USP14: variants seen among roughly 807,000 people sequenced by gnomAD.
The protein encoded by USP14 is ubiquitin specific peptidase 14, also known as ubiquitin carboxyl-terminal hydrolase 14.
Under a neutral mutation model 76.5 loss-of-function variants are expected in USP14, and 38 were observed. The observed-to-expected ratio is 0.50, with a 90% CI of 0.38 to 0.65. USP14 has a LOEUF of 0.65. Ranked by LOEUF, USP14 falls within the 30% of genes least tolerant of loss-of-function variation. USP14 has a pLI of 0.00. For missense variants in USP14, 467 were observed against 586.5 expected (o/e 0.80, Z 2.10); for synonymous variants, 192 against 191.7 (o/e 1.00, Z -0.01).
intron 2 of USP14, among the ~76,000 whole-genome samples, chr18:163,836 T>A (rs928463543): frequency 1.3e-5 from 2 of 151,020 alleles, no homozygotes. Flanking sequence ...TTTTTTTAGA[T>A]CCTCTTCCTC....
In USP14 at chr18:197,891, CTT is replaced by C. The variant is rs532065887; in HGVS notation, c.676-155_676-154del. 1.3e-4 allele frequency among the ~76,000 whole-genome samples: 19 copies of C among 151,914 alleles called. No individual in the cohort carries two copies. The South Asian group carries it at 3.9e-3, about 31-fold the overall frequency. On this transcript the variant is annotated intron_variant, in intron 8 of 15. Transcript: ENST00000261601. ...TAAATTTAATGTATTATTTATTAAA[CTT>C]AATTCATTGTTGATTTTTGGTAATG...
At chr18:187,375 A>G (rs1909958914) in intron 5 of USP14, among the ~76,000 whole-genome samples, 1 of 152,158 alleles carries the variant, frequency 6.6e-6, no homozygotes, top group African/African-American at 2.4e-5. Flanking sequence ...CTTTCAGTGT[A>G]TTACTGGATA....
At chr18:191,536 A>G (rs537795531) in intron 5 of USP14, among the ~76,000 whole-genome samples, 3 of 152,310 alleles carry the variant, frequency 2.0e-5, no homozygotes, top group South Asian at 2.1e-4. Context: ...GAACATTTCT[A>G]TCATCTCAGA....
intron 5 of USP14, among the ~76,000 whole-genome samples, chr18:192,312 C>T (rs1910112619): frequency 6.6e-6 from 1 of 152,072 alleles, no homozygotes; most frequent in South Asian, 2.1e-4. Context: ...GCCTGTAATC[C>T]CAGCACTTTG....
intron 3 of USP14, among the ~76,000 whole-genome samples, chr18:172,008 A>G (rs1393820008): frequency 6.6e-6 from 1 of 152,148 alleles, no homozygotes; most frequent in African/African-American, 2.4e-5. Flanking sequence ...TGGGAGTCTG[A>G]GACAGGAGGA....
intron 9 of USP14, among the ~76,000 whole-genome samples, chr18:198,653 C>T (rs975705379): frequency 2.6e-5 from 4 of 151,964 alleles, no homozygotes; most frequent in African/African-American, 9.7e-5. Context: ...AAATTTATTT[C>T]TTGAAGGATA....
At chr18:197,416 A>G (rs1289178341) in intron 7 of USP14, among the ~76,000 whole-genome samples, 200 bp from the exon 8 acceptor site, 1 of 152,196 alleles carries the variant, frequency 6.6e-6, no homozygotes, top group Non-Finnish European at 1.5e-5. Flanking sequence ...TTTAGCACAA[A>G]TTGGAGCTCA....
chr18:173,534 C>T (rs950318565), intron 3 of USP14, among the ~76,000 whole-genome samples: 1 of 152,140 alleles, frequency 6.6e-6, no homozygotes, highest in Non-Finnish European at 1.5e-5. Flanking sequence ...GCCTCAGCCT[C>T]CTGAGTAGCT....
At chr18:203,844 C>A (rs950951042) in intron 12 of USP14, among the ~76,000 whole-genome samples, 4 of 152,098 alleles carry the variant, frequency 2.6e-5, no homozygotes, top group East Asian at 1.9e-4. Context: ...TTGATCCGCC[C>A]GCTTTGGCCT....
chr18:160,226 C>T (rs1909079309), intron 1 of USP14, among the ~76,000 whole-genome samples: 1 of 152,124 alleles, frequency 6.6e-6, no homozygotes, highest in African/African-American at 2.4e-5. Context: ...ATCGCTTGAA[C>T]CTGTGAAGCG....
chr18:163,389 T>A lies in USP14; in HGVS notation c.98T>A (p.Leu33Gln). The change falls in exon 2 of 16, where the codon CTG (leucine) becomes CAG (glutamine). Residue 33 changes from leucine (L) to glutamine (Q), a missense_variant. Coordinates refer to ENST00000261601, the MANE Select transcript of USP14 (RefSeq NM_005151.4). ...CCTCCAATGGTATTCAAGGCTCAGC[T>A]GTTTGCGTTGACTGGAGTCCAGCCT... ...DEPPMVFKAQLFALTGVQPAR... is the reference protein window; with the variant it reads ...DEPPMVFKAQQFALTGVQPAR... 2 of 1,614,102 alleles carry A rather than the reference T, an allele frequency of 1.2e-6. No homozygotes were observed. Among genetic ancestry groups the A allele is most frequent in the Non-Finnish European group, 1.7e-6 (2 of 1,179,988 alleles).
chr18:213,645 G>GTGT lies in USP14; in HGVS notation c.*2363_*2365dup, dbSNP rs1555603730. The GTGT allele has an allele frequency of 1.3e-5, 2 of 152,552 alleles. No homozygotes were observed. The highest frequency in any genetic ancestry group is 2.9e-5 in the Non-Finnish European group (2 of 68,038). 9.4% of individuals were successfully genotyped at this position (152,552 alleles called of 1,614,324 possible). A position where few individuals can be genotyped will look rare whatever the true frequency, so the allele number is the denominator to read the frequency against. ...CTGACTAGCTAGGTTAGGCCTAAGA[G>GTGT]TGTTTACCGAATAATCTGCACTCAC... is the stretch of plus-strand genomic sequence containing the variant. On this transcript the variant is annotated 3_prime_UTR_variant, in exon 16 of 16. Transcript: ENST00000261601.
chr18:208,361 G>A (rs1391461478), intron 13 of USP14, among the ~76,000 whole-genome samples: 1 of 152,014 alleles, frequency 6.6e-6, no homozygotes, highest in Admixed American at 6.6e-5. Flanking sequence ...CCGTTTCATT[G>A]CTGATATTAG....
Position 211,500 on chromosome 18 carries a change from C to G in USP14, c.*216C>G. On this transcript the variant is annotated 3_prime_UTR_variant, in exon 16 of 16. Coordinates refer to ENST00000261601, the MANE Select transcript of USP14 (RefSeq NM_005151.4). The stretch of plus-strand genomic sequence containing the variant: ...ATTGTGCTGCCCTATATAAAGGTGG[C>G]AGAAAGACATTTTTAAAAAGCTTAT... 5 of 387,752 alleles carry G rather than the reference C, an allele frequency of 1.3e-5. No homozygotes were observed. The highest frequency in any genetic ancestry group is 2.3e-5 in the Non-Finnish European group (5 of 221,900). The allele number at this position is 387,752 out of a possible 1,614,324, so 24.0% of individuals were successfully genotyped here.
chr18:201,023 A>C (rs1910371425), intron 10 of USP14, among the ~76,000 whole-genome samples: 1 of 152,090 alleles, frequency 6.6e-6, no homozygotes, highest in Non-Finnish European at 1.5e-5. Context: ...GGATGGTCTC[A>C]ATCTCCTGAC....
chr18:214,400 A>G lies in USP14; in HGVS notation c.*3116A>G, dbSNP rs1457500138. ...AAATACATCTACTTAACAAAAAAAT[A>G]TATTTTGTGATCTTGAGGTCACTTC... On this transcript the variant is annotated 3_prime_UTR_variant, in exon 16 of 16. Coordinates refer to ENST00000261601, the MANE Select transcript of USP14 (RefSeq NM_005151.4). The G allele has an allele frequency of 4.5e-6, 2 of 448,802 alleles. No individual in the cohort carries two copies. The highest frequency in any genetic ancestry group is 4.1e-5 in the South Asian group (1 of 24,240). 27.8% of individuals were successfully genotyped at this position (448,802 alleles called of 1,614,324 possible).
Position 171,022 on chromosome 18 carries a change from AAAAAT to A in USP14, c.195+4205_195+4209del, listed in dbSNP as rs1472299283. On this transcript the variant is annotated intron_variant, in intron 3 of 15. Coordinates refer to ENST00000261601, the MANE Select transcript of USP14 (RefSeq NM_005151.4). ...TACCCTGGAACTTAAAAAAAAAAAA[AAAAAT>A]ATATATATATATATATATATATATA... Among the ~76,000 whole-genome samples the A allele has an allele frequency of 6.7e-5, 5 of 74,170 alleles. No homozygotes were observed. In the South Asian group the frequency reaches 1.5e-3, roughly 23 times the overall value. The allele number at this position is 74,170 out of a possible 152,430, so 48.7% of individuals were successfully genotyped here.
chr18:207,515 C>CA (rs540832158), intron 13 of USP14, among the ~76,000 whole-genome samples: 1 of 144,324 alleles, frequency 6.9e-6, no homozygotes, highest in East Asian at 1.9e-4. Context: ...CCTGTCTCCA[C>CA]AAAAAATACA....
chr18:186,998 G>A (rs507184), intron 5 of USP14, among the ~76,000 whole-genome samples: 25,453 of 152,108 alleles, frequency 0.17, 2,415 homozygotes, highest in Non-Finnish European at 0.23. Context: ...TGACCTTTCA[G>A]ATATTGGCAG....
Sources: allele counts gnomAD v4.1 joint callset (sites outside exome capture counted in the v4.1 genomes callset), GRCh38; gene constraint gnomAD v4.1.1; transcripts MANE v1.5; gene names NCBI Gene and HGNC (gene_info 2026-07-23, HGNC 2026-07-21).